Variants in CACNA1B observed in about 807,000 individuals in gnomAD.
The protein encoded by CACNA1B is voltage-dependent N-type calcium channel subunit alpha-1B.
Under a neutral mutation model 247.2 loss-of-function variants are expected in CACNA1B, and 70 were observed. The ratio of observed to expected loss-of-function variants is 0.28; its 90% CI spans 0.23 to 0.35. CACNA1B has a LOEUF of 0.35. Ranked by LOEUF, CACNA1B falls within the 10% of genes least tolerant of loss-of-function variation. The probability of loss-of-function intolerance (pLI) is 1.00; values close to 1 mark genes in which losing one functional copy is unlikely to be tolerated. For missense variants in CACNA1B, 2,367 were observed against 3,197.4 expected (o/e 0.74, Z 6.26); for synonymous variants, 1,231 against 1,294.4 (o/e 0.95, Z 1.05).
chr9:137,981,527 G>C (rs1958293485), intron 12 of CACNA1B, among the ~76,000 whole-genome samples: 1 of 152,020 alleles, frequency 6.6e-6, no homozygotes, highest in Non-Finnish European at 1.5e-5. Flanking sequence ...CCCAGGTTGG[G>C]GTGCAGTGGC....
intron 37 of CACNA1B, among the ~76,000 whole-genome samples, chr9:138,099,527 G>T (rs1001755786): frequency 2.0e-5 from 3 of 151,916 alleles, no homozygotes; most frequent in Non-Finnish European, 4.4e-5. Flanking sequence ...GTGTGCACGT[G>T]CCTGTGTGTG....
chr9:137,932,289 T>C (rs977540711), intron 6 of CACNA1B, among the ~76,000 whole-genome samples: 2 of 152,176 alleles, frequency 1.3e-5, no homozygotes, highest in African/African-American at 4.8e-5. Flanking sequence ...GTTGGATGGC[T>C]CATTTGTGTC....
Position 137,882,367 on chromosome 9 carries a change from A to G in CACNA1B, c.391-377A>G, listed in dbSNP as rs772565786. 3.2e-4 allele frequency among the ~76,000 whole-genome samples: 48 copies of G among 152,178 alleles called. No individual in the cohort carries two copies. The highest frequency in any genetic ancestry group is 5.9e-4 in the Non-Finnish European group (40 of 68,048). Reference sequence around the variant, plus strand: ...AACTACCTGATAAGCACCCACAACTAGTACTGTTACATCACTGTCTTCCCC... The same window carrying G: ...AACTACCTGATAAGCACCCACAACTGGTACTGTTACATCACTGTCTTCCCC... On this transcript the variant is annotated intron_variant, in intron 2 of 46. Coordinates refer to ENST00000371372, the MANE Select transcript of CACNA1B (RefSeq NM_000718.4). This position sits in a 1 kb window ranked among gnomAD's most constrained non-coding sequence, Gnocchi z 4.0.
intron 10 of CACNA1B, among the ~76,000 whole-genome samples, chr9:137,959,952 A>AG (rs986607881): frequency 2.6e-5 from 4 of 151,996 alleles, no homozygotes; most frequent in Non-Finnish European, 2.9e-5. Flanking sequence ...AAGCGTGTGG[A>AG]GGGGGGGCGG....
At chr9:138,078,770 A>AAC (rs1323439679) in intron 36 of CACNA1B, among the ~76,000 whole-genome samples, 7 of 152,170 alleles carry the variant, frequency 4.6e-5, no homozygotes, top group Non-Finnish European at 1.0e-4. Flanking sequence ...GACTGGGGGC[A>AAC]ACAGTGGCCT....
At position 137,917,735 on chromosome 9, in the gene CACNA1B, G is replaced by A. The variant is rs912708766; in HGVS notation, c.966+304G>A. Among the ~76,000 whole-genome samples the A allele has an allele frequency of 2.6e-5, 4 of 152,248 alleles. No homozygotes were observed. Among genetic ancestry groups the A allele is most frequent in the Non-Finnish European group, 5.9e-5 (4 of 68,034 alleles). On this transcript the variant is annotated intron_variant, in intron 6 of 46. Coordinates refer to ENST00000371372, the MANE Select transcript of CACNA1B (RefSeq NM_000718.4). This position sits in a 1 kb window ranked among gnomAD's most constrained non-coding sequence, Gnocchi z 5.5. ...AGAAAACTCCAGAGGAGATGCTGCTGTTTCTGTTGGCAAGGACGATAGTAG... is the reference window on the plus strand; with the variant it reads ...AGAAAACTCCAGAGGAGATGCTGCTATTTCTGTTGGCAAGGACGATAGTAG...
Position 137,986,979 on chromosome 9 carries a change from A to T in CACNA1B, c.1974+125A>T. On this transcript the variant is annotated intron_variant, in intron 15 of 46. Coordinates refer to ENST00000371372, the MANE Select transcript of CACNA1B (RefSeq NM_000718.4). This position sits in a 1 kb window ranked among gnomAD's most constrained non-coding sequence, Gnocchi z 6.0. ...ACACGGCCCAGATCACTGACTTTTC[A>T]GACACAGTGTTCCTCAAACGAGGGA... 1.2e-6 allele frequency: 1 copy of T among 801,700 alleles called. No homozygotes were observed. The highest frequency in any genetic ancestry group is 2.2e-6 in the Non-Finnish European group (1 of 457,786). The allele number at this position is 801,700 out of a possible 1,614,324, so 49.7% of individuals were successfully genotyped here. A position where few individuals can be genotyped will look rare whatever the true frequency, so the allele number is the denominator to read the frequency against.
chr9:137,888,375 CT>C lies in CACNA1B; in HGVS notation c.530+5493del, dbSNP rs1483801807. 6.6e-6 allele frequency among the ~76,000 whole-genome samples: 1 copy of C among 152,152 alleles called. No homozygotes were observed. On this transcript the variant is annotated intron_variant, in intron 3 of 46. Coordinates refer to ENST00000371372, the MANE Select transcript of CACNA1B (RefSeq NM_000718.4). This position sits in a 1 kb window ranked among gnomAD's most constrained non-coding sequence, Gnocchi z 4.7. ...CCCTCCCGGGCCCCTCAGGAAGCCCCTGTCAAGCCTCTGGCCCTGTGGGGCT... is the reference window on the plus strand; with the variant it reads ...CCCTCCCGGGCCCCTCAGGAAGCCCCGTCAAGCCTCTGGCCCTGTGGGGCT...
chr9:137,963,550 C>T (rs1468371120), intron 10 of CACNA1B, among the ~76,000 whole-genome samples: 1 of 152,184 alleles, frequency 6.6e-6, no homozygotes, highest in Non-Finnish European at 1.5e-5. Context: ...GCATGTGCCA[C>T]CACACCTGGC....
At chr9:138,043,069 A>G (rs1345171571) in intron 20 of CACNA1B, among the ~76,000 whole-genome samples, 1 of 152,214 alleles carries the variant, frequency 6.6e-6, no homozygotes, top group Non-Finnish European at 1.5e-5. Context: ...AACACTGGGC[A>G]GGGACAACAA....
chr9:137,954,189 G>C lies in CACNA1B; in HGVS notation c.1071-1509G>C, dbSNP rs114490215. Reference sequence around the variant, plus strand: ...CCCAGCAGAGGGCCCCCAAGCCAGGGGCTGGCACCCCCCATGTGGGTCCTG... The same window carrying C: ...CCCAGCAGAGGGCCCCCAAGCCAGGCGCTGGCACCCCCCATGTGGGTCCTG... On this transcript the variant is annotated intron_variant, in intron 7 of 46. Coordinates refer to ENST00000371372, the MANE Select transcript of CACNA1B (RefSeq NM_000718.4). The surrounding 1 kb of genome is among the most constrained non-coding windows in gnomAD (Gnocchi z 4.1). Among the ~76,000 whole-genome samples the C allele has an allele frequency of 1.2e-4, 18 of 152,322 alleles. No homozygotes were observed. The highest frequency in any genetic ancestry group is 2.5e-4 in the Non-Finnish European group (17 of 68,024).
At chr9:138,043,299 C>G (rs981798656) in intron 20 of CACNA1B, among the ~76,000 whole-genome samples, 2 of 152,180 alleles carry the variant, frequency 1.3e-5, no homozygotes, top group Admixed American at 6.5e-5. Flanking sequence ...GGACCCTCTC[C>G]TGGGATCTCG....
intron 15 of CACNA1B, among the ~76,000 whole-genome samples, chr9:138,001,381 A>G (rs1253161591): frequency 3.5e-5 from 3 of 84,754 alleles, no homozygotes; most frequent in Admixed American, 9.2e-5. Flanking sequence ...ATGTTCTAAA[A>G]TGGACTGTGA....
At position 138,053,830 on chromosome 9, in the gene CACNA1B, AC is replaced by A; in HGVS notation, c.3808-12del. 1 of 1,530,798 alleles carries A rather than the reference AC, an allele frequency of 6.5e-7. No homozygotes were observed. Among genetic ancestry groups the A allele is most frequent in the Non-Finnish European group, 8.8e-7 (1 of 1,135,398 alleles). The allele number at this position is 1,530,798 out of a possible 1,614,324, so 94.8% of individuals were successfully genotyped here. ...GATTCCACCCCCTCATCATGGCTCC[AC>A]CCCTCCTCCTGCAGGCTGTGTTTGA... On this transcript the variant is annotated splice_polypyrimidine_tract_variant and intron_variant, in intron 25 of 46. Transcript: ENST00000371372.
At chr9:138,085,928 A>T (rs1960679177) in intron 36 of CACNA1B, among the ~76,000 whole-genome samples, 1 of 151,372 alleles carries the variant, frequency 6.6e-6, no homozygotes, top group Non-Finnish European at 1.5e-5. Context: ...CAAAGACATG[A>T]TAATTACTAT....
chr9:138,002,544 C>T (rs1330868293), intron 15 of CACNA1B, among the ~76,000 whole-genome samples: 1 of 97,090 alleles, frequency 1.0e-5, no homozygotes, highest in Non-Finnish European at 2.3e-5. Context: ...AGCCCATATC[C>T]AAAAAAAAAA....
At chr9:138,096,367 A>C in intron 36 of CACNA1B, 117 bp from the exon 37 acceptor site, 1 of 833,886 alleles carries the variant, frequency 1.2e-6, no homozygotes, top group Non-Finnish European at 2.0e-6. Flanking sequence ...GTGCTGGTCA[A>C]ATCAGAGTGA....
chr9:138,116,467 C>T (rs1961871532), intron 42 of CACNA1B, among the ~76,000 whole-genome samples: 1 of 152,180 alleles, frequency 6.6e-6, no homozygotes, highest in Admixed American at 6.5e-5. Context: ...GCTGGCAGCC[C>T]CCCATTCCCA....
Position 137,877,982 on chromosome 9 carries a change from G to A in CACNA1B, c.49G>A (p.Gly17Ser), listed in dbSNP as rs187204220. ...ELGGRYGGPG[G>S]GERARGGGAG... ...GGGCGGCCGCTATGGGGGCCCCGGC[G>A]GCGGAGAGCGGGCCCGGGGCGGCGG... Residue 17 changes from glycine (G) to serine (S), a missense_variant, in exon 1 of 47, where the codon GGC (glycine) becomes AGC (serine). Coordinates refer to ENST00000371372, the MANE Select transcript of CACNA1B (RefSeq NM_000718.4). The A allele has an allele frequency of 0.15, 172,869 of 1,130,022 alleles. 2,903 individuals carry two copies. Among genetic ancestry groups the A allele is most frequent in the Admixed American group, 0.18 (3,586 of 20,444 alleles). The allele number at this position is 1,130,022 out of a possible 1,614,324, so 70.0% of individuals were successfully genotyped here. A position where few individuals can be genotyped will look rare whatever the true frequency, so the allele number is the denominator to read the frequency against.
Sources: gnomAD v4.1 joint callset for allele counts (sites outside exome capture counted in the v4.1 genomes callset) on GRCh38, gnomAD v4.1.1 for gene constraint, Gnocchi (gnomAD v3.1) non-coding constraint, MANE v1.5 for transcripts, NCBI Gene and HGNC (gene_info 2026-07-23, HGNC 2026-07-21) for gene names.